The following FAM227A variants were observed in gnomAD, a reference collection of about 807,000 sequenced individuals.
FAM227A encodes the protein family with sequence similarity 227 member A.
A neutral mutation model predicts 74.7 loss-of-function variants in FAM227A; 80 were observed. The observed-to-expected ratio is 1.07, with a 90% confidence interval of 0.89 to 1.29. FAM227A has a LOEUF of 1.29. Ranked by LOEUF, FAM227A falls within the 50% of genes most tolerant of loss-of-function variation. FAM227A has a pLI of 0.00. For missense variants in FAM227A, 654 were observed against 683.4 expected (o/e 0.96, Z 0.48); for synonymous variants, 237 against 241.8 (o/e 0.98, Z 0.19).
chr22:38,597,381 C>A, intron 14 of FAM227A, 25 bp from the exon 15 acceptor site: 1 of 1,551,012 alleles, frequency 6.4e-7, no homozygotes, highest in South Asian at 1.2e-5. Context: ...CAAGGAAATC[C>A]CCGTACTGTG....
At chr22:38,616,272 T>A (rs1169877409) in intron 11 of FAM227A, among the ~76,000 whole-genome samples, 4 of 152,144 alleles carry the variant, frequency 2.6e-5, no homozygotes, top group Non-Finnish European at 5.9e-5. Flanking sequence ...TCCAAGCCAG[T>A]GGGGTCCCCG....
chr22:38,642,418 A>C (rs1457988704), intron 3 of FAM227A, among the ~76,000 whole-genome samples: 1 of 152,192 alleles, frequency 6.6e-6, no homozygotes, highest in African/African-American at 2.4e-5. Context: ...AAAACTATAA[A>C]ACCCCTAGAA....
At chr22:38,590,303 G>C (rs1314827483) in intron 16 of FAM227A, among the ~76,000 whole-genome samples, 2 of 132,570 alleles carry the variant, frequency 1.5e-5, no homozygotes, top group Admixed American at 7.5e-5. Flanking sequence ...AAAAAAAAAA[G>C]ATGTTTTGGA....
At chr22:38,592,555 A>C (rs1419695933) in intron 15 of FAM227A, among the ~76,000 whole-genome samples, 1 of 152,192 alleles carries the variant, frequency 6.6e-6, no homozygotes, top group Non-Finnish European at 1.5e-5. Context: ...GAACTGGATG[A>C]AATGTGGACG....
chr22:38,583,081 A>T lies in FAM227A; in HGVS notation c.*3044T>A, dbSNP rs1287471706. On this transcript the variant is annotated 3_prime_UTR_variant, in exon 17 of 17. Transcript: ENST00000535113. Reference sequence around the variant, plus strand: ...GAGTTGACAGTGGCTGGGGTAGTAAAGGGAAGGTGAGAGAGTGTTCTGCTT... The same window carrying T: ...GAGTTGACAGTGGCTGGGGTAGTAATGGGAAGGTGAGAGAGTGTTCTGCTT... 1 of 990,946 alleles carries T rather than the reference A, an allele frequency of 1.0e-6. No individual in the cohort carries two copies. Among genetic ancestry groups the T allele is most frequent in the Non-Finnish European group, 1.5e-6 (1 of 669,620 alleles). 61.4% of individuals were successfully genotyped at this position (990,946 alleles called of 1,614,324 possible). A position where few individuals can be genotyped will look rare whatever the true frequency, so the allele number is the denominator to read the frequency against.
At chr22:38,591,888 A>T (rs565053100) in intron 15 of FAM227A, among the ~76,000 whole-genome samples, 3 of 152,196 alleles carry the variant, frequency 2.0e-5, no homozygotes, top group African/African-American at 7.2e-5. Flanking sequence ...TTATCTGTAG[A>T]CAAAACTTTG....
At chr22:38,613,112 TATATTATATATAATTATATATATA>T (rs1399352713) in intron 11 of FAM227A, among the ~76,000 whole-genome samples, 10 of 94,560 alleles carry the variant, frequency 1.1e-4, no homozygotes, top group African/African-American at 4.6e-4. Context: ...TAATTATATA[TATATTATATATAATTATATATATA>T]ATATATATAT....
intron 13 of FAM227A, among the ~76,000 whole-genome samples, chr22:38,602,644 C>T (rs1276942761): frequency 6.6e-6 from 1 of 152,180 alleles, no homozygotes; most frequent in Non-Finnish European, 1.5e-5. Flanking sequence ...TGACGACAGA[C>T]AGCAGTCATT....
At chr22:38,654,221 G>A (rs962972791) in intron 1 of FAM227A, among the ~76,000 whole-genome samples, 50 of 152,040 alleles carry the variant, frequency 3.3e-4, no homozygotes, top group African/African-American at 6.8e-4. Context: ...GATGGCAGGC[G>A]CCTGTTGTCC....
intron 11 of FAM227A, among the ~76,000 whole-genome samples, chr22:38,616,316 G>GGGGCAGGAACCTGACAGGAGT (rs1329371822): frequency 1.3e-5 from 2 of 152,182 alleles, no homozygotes; most frequent in African/African-American, 4.8e-5. Flanking sequence ...GTGGCTGCCG[G>GGGGCAGGAACCTGACAGGAGT]GGGCAGGAAC....
intron 16 of FAM227A, among the ~76,000 whole-genome samples, chr22:38,590,094 A>G (rs2090897930): frequency 6.6e-6 from 1 of 151,356 alleles, no homozygotes; most frequent in Non-Finnish European, 1.5e-5. Flanking sequence ...TACACAAAAC[A>G]AAACAAAACA....
At position 38,636,435 on chromosome 22, in the gene FAM227A, A is replaced by T. The variant is rs1201947447; in HGVS notation, c.519+16T>A. 6.5e-7 allele frequency: 1 copy of T among 1,549,836 alleles called. No homozygotes were observed. The highest frequency in any genetic ancestry group is 8.7e-7 in the Non-Finnish European group (1 of 1,146,448). ...ATGGGTTGGCAAACTCAGGGCAGGC[A>T]CTGCTTTTTCCTCACCTTGCCACTA... On this transcript the variant is annotated intron_variant, in intron 6 of 16. Transcript: ENST00000535113.
intron 3 of FAM227A, among the ~76,000 whole-genome samples, chr22:38,640,169 G>A (rs2092084277): frequency 6.6e-6 from 1 of 152,110 alleles, no homozygotes; most frequent in Non-Finnish European, 1.5e-5. Flanking sequence ...GAGTAGCTGG[G>A]ACTACAGGCG....
At chr22:38,655,950 T>C (rs964469112) in intron 1 of FAM227A, among the ~76,000 whole-genome samples, 170 bp downstream of exon 1, 1 of 152,218 alleles carries the variant, frequency 6.6e-6, no homozygotes, top group Non-Finnish European at 1.5e-5. Context: ...TTTAGGACTC[T>C]AGGAGATCTG....
intron 12 of FAM227A, among the ~76,000 whole-genome samples, chr22:38,606,484 C>T (rs1019147284): frequency 6.6e-6 from 1 of 152,146 alleles, no homozygotes; most frequent in East Asian, 1.9e-4. Context: ...GGTTACCATG[C>T]CTTGCTTTGT....
rs991775442 is a variant in FAM227A at position 38,580,083 on chromosome 22, G to A, written c.*6042C>T. 2 of 133,482 alleles carry A rather than the reference G, an allele frequency of 1.5e-5. No homozygotes were observed. The highest frequency in any genetic ancestry group is 3.2e-5 in the Non-Finnish European group (2 of 61,912). 8.3% of individuals were successfully genotyped at this position (133,482 alleles called of 1,614,324 possible). A position where few individuals can be genotyped will look rare whatever the true frequency, so the allele number is the denominator to read the frequency against. On this transcript the variant is annotated 3_prime_UTR_variant, in exon 17 of 17. Transcript: ENST00000535113. ...CTACAGGCGTATGCCACCTTGCTCT[G>A]CTAATTTTTACTTTTTTTGTAGAGA...
intron 6 of FAM227A, among the ~76,000 whole-genome samples, chr22:38,630,855 G>A (rs1224077907): frequency 6.6e-6 from 1 of 152,278 alleles, no homozygotes; most frequent in African/African-American, 2.4e-5. Context: ...TTCAGGTCTC[G>A]GGACAGTGTT....
At chr22:38,632,618 C>T (rs1415168927) in intron 6 of FAM227A, among the ~76,000 whole-genome samples, 1 of 152,026 alleles carries the variant, frequency 6.6e-6, no homozygotes, top group Non-Finnish European at 1.5e-5. Flanking sequence ...GTCCACCTGC[C>T]CCCTAGGGTT....
intron 11 of FAM227A, among the ~76,000 whole-genome samples, chr22:38,608,247 G>C (rs1319126951): frequency 1.3e-5 from 2 of 152,022 alleles, no homozygotes; most frequent in East Asian, 3.9e-4. Context: ...AGGATTGCTT[G>C]AGCCTGGAAG....
Sources: allele counts gnomAD v4.1 joint callset (sites outside exome capture counted in the v4.1 genomes callset), GRCh38; gene constraint gnomAD v4.1.1; transcripts MANE v1.5; gene names NCBI Gene and HGNC (gene_info 2026-07-23, HGNC 2026-07-21).